Variants in ZNF786 observed in about 807,000 individuals in gnomAD.
The protein encoded by ZNF786 is zinc finger protein 786.
A neutral mutation model predicts 63.1 loss-of-function variants in ZNF786; 56 were observed. The ratio of observed to expected loss-of-function variants is 0.89; its 90% confidence interval spans 0.72 to 1.11. The LOEUF is 1.11. Among genes scored for constraint, ZNF786 ranks in the 50% least tolerant of loss-of-function variants. The probability of loss-of-function intolerance (pLI) is 0.00; values close to 1 mark genes in which losing one functional copy is unlikely to be tolerated. For synonymous variants in ZNF786, 485 were observed against 406.9 expected, an observed-to-expected ratio of 1.19 and a Z score of -2.31; for missense variants, 1,213 against 1,041.8, an observed-to-expected ratio of 1.16 and a Z score of -2.26.
At position 149,090,672 on chromosome 7, in the gene ZNF786, C is replaced by T. The variant is rs1375857745; in HGVS notation, c.-32G>A. ...CGCGGTCCCGCCCGGCCCTGGCAAA[C>T]CCGACCGTCTCCGGCGGCTCCGCAG... On this transcript the variant is annotated 5_prime_UTR_variant, in exon 1 of 4. Coordinates refer to ENST00000491431, the MANE Select transcript of ZNF786 (RefSeq NM_152411.4). 1.0e-5 allele frequency: 16 copies of T among 1,576,298 alleles called. No homozygotes were observed. The East Asian group carries it at 3.6e-4, about 35-fold the overall frequency.
At chr7:149,088,838 A>C (rs1039687291) in intron 1 of ZNF786, among the ~76,000 whole-genome samples, 4 of 152,126 alleles carry the variant, frequency 2.6e-5, no homozygotes, top group African/African-American at 9.7e-5. Context: ...TTTCCAGTTC[A>C]TTTTAATACA....
At position 149,071,249 on chromosome 7, in the gene ZNF786, G is replaced by T. The variant is rs1280793294; in HGVS notation, c.1523C>A (p.Pro508Gln). The change falls in exon 4 of 4, where the codon CCG (proline) becomes CAG (glutamine). Residue 508 changes from proline (P) to glutamine (Q), a missense_variant. By Grantham distance (76) the Pro-to-Gln change is moderately conservative. Transcript: ENST00000491431. ...TCTGCCACACTCGCTACAGGAGAAC[G>T]GCCTCTCCCCACCGTGCCGGAGCCG... ...AHRLRHGGERPFSCSECGRGF... is the reference protein window; with the variant it reads ...AHRLRHGGERQFSCSECGRGF... 1.2e-6 allele frequency: 2 copies of T among 1,612,506 alleles called. No individual in the cohort carries two copies. Among genetic ancestry groups the T allele is most frequent in the Non-Finnish European group, 1.7e-6 (2 of 1,179,304 alleles).
intron 3 of ZNF786, among the ~76,000 whole-genome samples, chr7:149,073,016 C>T (rs1825459933): frequency 6.6e-6 from 1 of 152,164 alleles, no homozygotes; most frequent in Admixed American, 6.6e-5. Context: ...ACCAATACCA[C>T]AGTTATACGT....
chr7:149,085,200 T>C (rs939318177), intron 1 of ZNF786, among the ~76,000 whole-genome samples: 1 of 152,192 alleles, frequency 6.6e-6, no homozygotes, highest in Non-Finnish European at 1.5e-5. Flanking sequence ...TGTAGCCTTG[T>C]ATAGTTTGAA....
intron 2 of ZNF786, among the ~76,000 whole-genome samples, chr7:149,077,827 G>A (rs894002148): frequency 8.6e-5 from 13 of 151,544 alleles, no homozygotes; most frequent in African/African-American, 2.9e-4. Context: ...AACAGTTGTG[G>A]CCCAACAGCG....
chr7:149,070,212 G>GAAAA lies in ZNF786; in HGVS notation c.*207_*210dup. On this transcript the variant is annotated 3_prime_UTR_variant, in exon 4 of 4. Transcript: ENST00000491431. ...GGTGACAGAGCAAAACTCCATCTTGGAAAAAAAAAAAAAAAAGAAAGAAAT... is the reference window on the plus strand; with the variant it reads ...GGTGACAGAGCAAAACTCCATCTTGGAAAAAAAAAAAAAAAAAAAAGAAAGAAAT... 8 of 404,404 alleles carry GAAAA rather than the reference G, an allele frequency of 2.0e-5. No individual in the cohort carries two copies. Among genetic ancestry groups the GAAAA allele is most frequent in the Admixed American group, 4.9e-5 (1 of 20,590 alleles). The allele number at this position is 404,404 out of a possible 1,614,324, so 25.1% of individuals were successfully genotyped here. A position where few individuals can be genotyped will look rare whatever the true frequency, so the allele number is the denominator to read the frequency against.
intron 3 of ZNF786, among the ~76,000 whole-genome samples, chr7:149,073,022 T>C (rs919679709): frequency 2.6e-5 from 4 of 152,202 alleles, no homozygotes; most frequent in Admixed American, 2.0e-4. Context: ...ACCACAGTTA[T>C]ACGTGATCCT....
chr7:149,084,393 C>CT (rs1233882455), intron 1 of ZNF786, among the ~76,000 whole-genome samples: 1 of 146,772 alleles, frequency 6.8e-6, no homozygotes, highest in Non-Finnish European at 1.5e-5. Context: ...GCTTTGAGTT[C>CT]TTTGAGAAAT....
Position 149,071,952 on chromosome 7 carries a change from C to T in ZNF786, c.820G>A (p.Glu274Lys). 6.2e-7 allele frequency: 1 copy of T among 1,611,612 alleles called. No homozygotes were observed. Among genetic ancestry groups the T allele is most frequent in the Non-Finnish European group, 8.5e-7 (1 of 1,179,714 alleles). ...GTCAGCTCGTGTCGGAAGCACATTT[C>T]ACCGTCAGCGTTCCGGAAGGGGCCC... ...GRGPFRNADG[E>K]MCFRHELTHP... Residue 274 changes from glutamate to lysine, a missense_variant, in exon 4 of 4, where the codon GAA becomes AAA. Glu to Lys is a moderately conservative substitution (Grantham distance 56). Transcript: ENST00000491431.
intron 2 of ZNF786, among the ~76,000 whole-genome samples, chr7:149,079,987 C>T (rs1825624286): frequency 6.6e-6 from 1 of 151,414 alleles, no homozygotes; most frequent in African/African-American, 2.4e-5. Flanking sequence ...TCCTGTCCAA[C>T]ATGGTGAAAC....
chr7:149,089,409 A>G (rs1327618506), intron 1 of ZNF786, among the ~76,000 whole-genome samples: 2 of 150,712 alleles, frequency 1.3e-5, no homozygotes, highest in African/African-American at 4.9e-5. Flanking sequence ...CCACCTCCCG[A>G]GTTCAAGCAA....
In ZNF786 at chr7:149,087,491, G is replaced by A. The variant is rs942427498; in HGVS notation, c.18+3132C>T. Among the ~76,000 whole-genome samples, 4 of 152,204 alleles carry A rather than the reference G, an allele frequency of 2.6e-5. No homozygotes were observed. The South Asian group carries it at 6.2e-4, about 24-fold the overall frequency. On this transcript the variant is annotated intron_variant, in intron 1 of 3. Coordinates refer to ENST00000491431, the MANE Select transcript of ZNF786 (RefSeq NM_152411.4). The stretch of plus-strand genomic sequence containing the variant: ...CCAAGAATAGTGATAAACATCCTAC[G>A]ATGCGCAGGACAGCCTGCAAAACAG...
At position 149,071,701 on chromosome 7, in the gene ZNF786, G is replaced by A; in HGVS notation, c.1071C>T (p.Asp357=). The A allele has an allele frequency of 1.3e-6, 2 of 1,575,030 alleles. No homozygotes were observed. The highest frequency in any genetic ancestry group is 1.7e-6 in the Non-Finnish European group (2 of 1,168,226). The part of the protein sequence containing the change: ...PQEGNSHQEG[D]TEALQHGAEG... ...CTGCGCCATGCTGCAGCGCCTCCGT[G>A]TCCCCTTCCTGGTGGCTGTTCCCCT... is the stretch of plus-strand genomic sequence containing the variant. The change falls in exon 4 of 4, where the codon GAC becomes GAT. Residue 357 remains aspartate (D), a synonymous_variant. Coordinates refer to ENST00000491431, the MANE Select transcript of ZNF786 (RefSeq NM_152411.4).
chr7:149,083,272 G>A (rs1224002111), intron 1 of ZNF786, among the ~76,000 whole-genome samples: 4 of 151,552 alleles, frequency 2.6e-5, no homozygotes, highest in Non-Finnish European at 5.9e-5. Context: ...TTGGAGTAAA[G>A]TGGCACGATC....
At chr7:149,086,626 T>TCACACACACACA (rs147898859) in intron 1 of ZNF786, among the ~76,000 whole-genome samples, 2 of 147,608 alleles carry the variant, frequency 1.4e-5, no homozygotes, top group South Asian at 2.2e-4. Flanking sequence ...ACACTCTGTC[T>TCACACACACACA]CACACACACA....
At chr7:149,075,728 A>G (rs901664266) in intron 2 of ZNF786, among the ~76,000 whole-genome samples, 5 of 80,712 alleles carry the variant, frequency 6.2e-5, no homozygotes, top group Admixed American at 4.2e-4. Flanking sequence ...CAGTGGTGCA[A>G]TCATAGCTCA....
chr7:149,070,780 G>T lies in ZNF786; in HGVS notation c.1992C>A (p.Ile664=), dbSNP rs780222490. ...GKGFVKHSKL[I]EHIRTHTGEK... Reference sequence around the variant, plus strand: ...CTCCCGTGTGCGTTCTGATGTGCTCGATGAGCTTTGAGTGTTTCACAAAGC... The same window carrying T: ...CTCCCGTGTGCGTTCTGATGTGCTCTATGAGCTTTGAGTGTTTCACAAAGC... Residue 664 remains isoleucine (I), a synonymous_variant, in exon 4 of 4, where the codon ATC becomes ATA. Transcript: ENST00000491431. 1.9e-5 allele frequency: 31 copies of T among 1,613,568 alleles called. No individual in the cohort carries two copies. The Admixed American group carries it at 2.0e-4, about 10-fold the overall frequency.
Position 149,074,383 on chromosome 7 carries a change from C to T in ZNF786, c.298+3G>A. ...GTCGGGGCCCTGATTTCTTAATACTCACCCCAAAACAGCTGTTCCTCAAAA... is the reference window on the plus strand; with the variant it reads ...GTCGGGGCCCTGATTTCTTAATACTTACCCCAAAACAGCTGTTCCTCAAAA... On this transcript the variant is annotated splice_donor_region_variant and intron_variant, in intron 3 of 3. Transcript: ENST00000491431. The T allele has an allele frequency of 6.2e-7, 1 of 1,613,314 alleles. No homozygotes were observed. The highest frequency in any genetic ancestry group is 8.5e-7 in the Non-Finnish European group (1 of 1,179,580).
chr7:149,071,861 C>T lies in ZNF786; in HGVS notation c.911G>A (p.Arg304His). The change falls in exon 4 of 4, where the codon CGC (arginine) becomes CAC (histidine). Residue 304 changes from arginine (R) to histidine (H), a missense_variant. Transcript: ENST00000491431. ...KPAQCTPCGK[R>H]SLPVDSTQAR... ...CTGCGTGCTGTCCACTGGGAGGGAG[C>T]GCTTGCCGCATGGGGTGCACTGGGC... 1 of 1,598,394 alleles carries T rather than the reference C, an allele frequency of 6.3e-7. No individual in the cohort carries two copies.
Sources: gnomAD v4.1 joint callset for allele counts (sites outside exome capture counted in the v4.1 genomes callset) on GRCh38, gnomAD v4.1.1 for gene constraint, MANE v1.5 for transcripts, NCBI Gene and HGNC (gene_info 2026-07-23, HGNC 2026-07-21) for gene names.